Variants in FZR1 observed in about 807,000 individuals in gnomAD.
FZR1 encodes fizzy and cell division cycle 20 related 1, also known as fizzy-related protein homolog.
FZR1 carries 11 observed loss-of-function variants against 63.6 expected under a neutral mutation model. That is an observed-to-expected ratio of 0.17 (90% CI 0.11 to 0.29). The LOEUF (loss-of-function observed/expected upper bound fraction) is 0.29. Among genes scored for constraint, FZR1 ranks in the 10% least tolerant of loss-of-function variants. The pLI, the probability that FZR1 is intolerant of heterozygous loss-of-function variation, is 1.00. For missense variants in FZR1, 440 were observed against 687.5 expected, an observed-to-expected ratio of 0.64 and a Z score of 4.03; for synonymous variants, 328 against 297.9, an observed-to-expected ratio of 1.10 and a Z score of -1.04.
In FZR1 at chr19:3,538,214, G is replaced by A. The variant is rs944828519; in HGVS notation, c.*3378G>A. 2.5e-5 allele frequency: 4 copies of A among 160,728 alleles called. No individual in the cohort carries two copies. The highest frequency in any genetic ancestry group is 1.9e-4 in the East Asian group (1 of 5,328). 10.0% of individuals were successfully genotyped at this position (160,728 alleles called of 1,614,324 possible). A position where few individuals can be genotyped will look rare whatever the true frequency, so the allele number is the denominator to read the frequency against. ...GCAGGCTCCGCCCCCACCCAAGGCC[G>A]GGCCCAGCCAGAGGAGGGGCAGGGC... On this transcript the variant is annotated 3_prime_UTR_variant, in exon 14 of 14. Transcript: ENST00000441788.
intron 1 of FZR1, among the ~76,000 whole-genome samples, chr19:3,519,179 G>A (rs1462862749): frequency 2.6e-5 from 4 of 152,226 alleles, no homozygotes; most frequent in Admixed American, 2.6e-4. Context: ...ATAAGTGTCT[G>A]GGGAAGCCCC....
chr19:3,531,312 G>A (rs1241853412), intron 8 of FZR1, among the ~76,000 whole-genome samples: 1 of 152,160 alleles, frequency 6.6e-6, no homozygotes, highest in Non-Finnish European at 1.5e-5. Context: ...CCAGGCGTGT[G>A]CGCTCACCCT....
chr19:3,513,149 G>C (rs1408771803), intron 1 of FZR1, among the ~76,000 whole-genome samples: 1 of 152,046 alleles, frequency 6.6e-6, no homozygotes, highest in East Asian at 1.9e-4. Context: ...TTGCAACTTT[G>C]CAGGGGTTGG....
chr19:3,527,935 A>G (rs2083177527), intron 7 of FZR1, 121 bp downstream of exon 7: 2 of 675,910 alleles, frequency 3.0e-6, no homozygotes, highest in African/African-American at 1.9e-5. Flanking sequence ...TGGCCCTCCT[A>G]GCTGGGGCCT....
At position 3,526,534 on chromosome 19, in the gene FZR1, C is replaced by G. The variant is rs2121971379; in HGVS notation, c.387+148C>G. The G allele has an allele frequency of 1.6e-6, 1 of 636,552 alleles. No individual in the cohort carries two copies. The highest frequency in any genetic ancestry group is 1.9e-5 in the South Asian group (1 of 52,906). 39.4% of individuals were successfully genotyped at this position (636,552 alleles called of 1,614,324 possible). ...CCCCCGCCCTGACCCTGTTCCTTAG[C>G]CAGGTCAGGGGCCCTGGGATCTGAG... On this transcript the variant is annotated intron_variant, in intron 5 of 13. Coordinates refer to ENST00000441788, the MANE Select transcript of FZR1 (RefSeq NM_016263.4). The surrounding 1 kb of genome is among the most constrained non-coding windows in gnomAD (Gnocchi z 5.4).
At chr19:3,530,932 C>T in intron 8 of FZR1, 75 bp downstream of exon 8, 1 of 1,198,538 alleles carries the variant, frequency 8.3e-7, no homozygotes, top group Non-Finnish European at 1.2e-6. Context: ...CTTGAAGACC[C>T]AGAGGGTCTA....
At chr19:3,508,649 T>G (rs1006565621) in intron 1 of FZR1, among the ~76,000 whole-genome samples, 3 of 152,178 alleles carry the variant, frequency 2.0e-5, no homozygotes, top group Non-Finnish European at 4.4e-5. Flanking sequence ...ATGGAAAGTC[T>G]GTGTGTGTAG....
At chr19:3,510,430 G>A (rs1034990621) in intron 1 of FZR1, among the ~76,000 whole-genome samples, 8 of 152,334 alleles carry the variant, frequency 5.3e-5, no homozygotes, top group Admixed American at 2.6e-4. Flanking sequence ...CAGCATGCCC[G>A]GCCACACTGC....
chr19:3,521,004 C>G (rs1379311172), intron 1 of FZR1, among the ~76,000 whole-genome samples: 6 of 152,242 alleles, frequency 3.9e-5, no homozygotes. Flanking sequence ...GGTGCAACGT[C>G]CTCAGGGCGT....
chr19:3,509,360 G>A (rs921736607), intron 1 of FZR1, among the ~76,000 whole-genome samples: 4 of 152,132 alleles, frequency 2.6e-5, no homozygotes, highest in Non-Finnish European at 5.9e-5. Context: ...ATGACACACC[G>A]CCCCCACAAC....
chr19:3,509,240 G>T (rs1164751455), intron 1 of FZR1, among the ~76,000 whole-genome samples: 1 of 152,180 alleles, frequency 6.6e-6, no homozygotes, highest in Admixed American at 6.5e-5. Flanking sequence ...GCGTTGGCAG[G>T]TGACTGCCTT....
At chr19:3,532,249 G>C (rs2083255671) in intron 10 of FZR1, among the ~76,000 whole-genome samples, 154 bp downstream of exon 10, 1 of 152,252 alleles carries the variant, frequency 6.6e-6, no homozygotes, top group Non-Finnish European at 1.5e-5. Context: ...TGCTCAGCCA[G>C]TCCTGCCCTG....
In FZR1 at chr19:3,526,458, A is replaced by T; in HGVS notation, c.387+72A>T. Reference sequence around the variant, plus strand: ...CTCCCCGGCCCCCCACCTCCCAGGCACCAGCTCTGCCTCCCCGAGCCCGGT... The same window carrying T: ...CTCCCCGGCCCCCCACCTCCCAGGCTCCAGCTCTGCCTCCCCGAGCCCGGT... On this transcript the variant is annotated intron_variant, in intron 5 of 13. Transcript: ENST00000441788. This position sits in a 1 kb window ranked among gnomAD's most constrained non-coding sequence, Gnocchi z 5.4. 1 of 1,261,728 alleles carries T rather than the reference A, an allele frequency of 7.9e-7. No homozygotes were observed. 78.2% of individuals were successfully genotyped at this position (1,261,728 alleles called of 1,614,324 possible).
chr19:3,533,817 C>T lies in FZR1; in HGVS notation c.1347+419C>T, dbSNP rs1425076885. The T allele has an allele frequency of 1.1e-5, 2 of 185,126 alleles. No individual in the cohort carries two copies. Among genetic ancestry groups the T allele is most frequent in the Non-Finnish European group, 2.2e-5 (2 of 90,024 alleles). The allele number at this position is 185,126 out of a possible 1,614,324, so 11.5% of individuals were successfully genotyped here. A position where few individuals can be genotyped will look rare whatever the true frequency, so the allele number is the denominator to read the frequency against. Reference sequence around the variant, plus strand: ...GCCCTCACTTGCCAAGATTTTGTTTCTTCCCTGAAAAACATGTTCTGTGCT... The same window carrying T: ...GCCCTCACTTGCCAAGATTTTGTTTTTTCCCTGAAAAACATGTTCTGTGCT... On this transcript the variant is annotated intron_variant, in intron 12 of 13. Coordinates refer to ENST00000441788, the MANE Select transcript of FZR1 (RefSeq NM_016263.4). This position sits in a 1 kb window ranked among gnomAD's most constrained non-coding sequence, Gnocchi z 4.9.
chr19:3,537,183 G>A lies in FZR1; in HGVS notation c.*2347G>A, dbSNP rs1452201289. 1 of 152,484 alleles carries A rather than the reference G, an allele frequency of 6.6e-6. No homozygotes were observed. Among genetic ancestry groups the A allele is most frequent in the Non-Finnish European group, 1.5e-5 (1 of 68,194 alleles). The allele number at this position is 152,484 out of a possible 1,614,324, so 9.4% of individuals were successfully genotyped here. A position where few individuals can be genotyped will look rare whatever the true frequency, so the allele number is the denominator to read the frequency against. On this transcript the variant is annotated 3_prime_UTR_variant, in exon 14 of 14. Transcript: ENST00000441788. ...GGGCCAGGGCTCGTGTAGAAATGGG[G>A]GAATTGGTTCCCCATGGCCCAGGAC...
Position 3,526,836 on chromosome 19 carries a change from G to A in FZR1, c.388-144G>A, listed in dbSNP as rs1037784139. Reference sequence around the variant, plus strand: ...GGTCCGCAGTCCCCGCCAGGAAGGCGCCTGCCTTTTTACAGCTGCTCCACA... The same window carrying A: ...GGTCCGCAGTCCCCGCCAGGAAGGCACCTGCCTTTTTACAGCTGCTCCACA... On this transcript the variant is annotated intron_variant, in intron 5 of 13. Transcript: ENST00000441788. The surrounding 1 kb of genome is among the most constrained non-coding windows in gnomAD (Gnocchi z 5.4). The A allele has an allele frequency of 3.7e-5, 24 of 640,080 alleles. 1 individual carries two copies. The highest frequency in any genetic ancestry group is 1.3e-4 in the African/African-American group (7 of 55,214). 39.7% of individuals were successfully genotyped at this position (640,080 alleles called of 1,614,324 possible). A position where few individuals can be genotyped will look rare whatever the true frequency, so the allele number is the denominator to read the frequency against.
In FZR1 at chr19:3,526,448, C is replaced by A. The variant is rs1277219491; in HGVS notation, c.387+62C>A. ...CCAGTGCAGCCTCCCCGGCCCCCCACCTCCCAGGCACCAGCTCTGCCTCCC... is the reference window on the plus strand; with the variant it reads ...CCAGTGCAGCCTCCCCGGCCCCCCAACTCCCAGGCACCAGCTCTGCCTCCC... On this transcript the variant is annotated intron_variant, in intron 5 of 13. Coordinates refer to ENST00000441788, the MANE Select transcript of FZR1 (RefSeq NM_016263.4). The surrounding 1 kb of genome is among the most constrained non-coding windows in gnomAD (Gnocchi z 5.4). 3.6e-6 allele frequency: 5 copies of A among 1,393,498 alleles called. No homozygotes were observed. The East Asian group carries it at 1.0e-4, about 28-fold the overall frequency. 86.3% of individuals were successfully genotyped at this position (1,393,498 alleles called of 1,614,324 possible).
intron 13 of FZR1, 26 bp from the exon 14 acceptor site, chr19:3,534,769 C>T (rs1288852528): frequency 1.2e-6 from 2 of 1,608,798 alleles, no homozygotes; most frequent in East Asian, 4.5e-5. Context: ...CGGCTCAGCG[C>T]ATCTGCCATC....
At chr19:3,524,201 A>G (rs138933968) in intron 2 of FZR1, among the ~76,000 whole-genome samples, 1 of 152,056 alleles carries the variant, frequency 6.6e-6, no homozygotes, top group Non-Finnish European at 1.5e-5. Context: ...TCTCCAGAGC[A>G]CTCTCGGGGC....
Sources: gnomAD v4.1 joint callset for allele counts (sites outside exome capture counted in the v4.1 genomes callset) on GRCh38, gnomAD v4.1.1 for gene constraint, Gnocchi (gnomAD v3.1) non-coding constraint, MANE v1.5 for transcripts, NCBI Gene and HGNC (gene_info 2026-07-23, HGNC 2026-07-21) for gene names.